Variants in SLC13A1 observed in about 807,000 individuals in gnomAD.
SLC13A1 encodes the protein Na(+)/sulfate cotransporter.
SLC13A1 carries 65 observed loss-of-function variants against 70.0 expected under a neutral mutation model. The ratio of observed to expected loss-of-function variants is 0.93; its 90% CI spans 0.76 to 1.14. SLC13A1 has a LOEUF of 1.14. Among genes scored for constraint, SLC13A1 ranks in the 50% most tolerant of loss-of-function variants. The pLI is 0.00. For synonymous variants in SLC13A1, 275 were observed against 250.5 expected, an observed-to-expected ratio of 1.10 and a Z score of -0.92; for missense variants, 726 against 717.8, an observed-to-expected ratio of 1.01 and a Z score of -0.13.
intron 7 of SLC13A1, among the ~76,000 whole-genome samples, chr7:123,142,209 C>T (rs983662905): frequency 2.0e-5 from 3 of 152,138 alleles, no homozygotes; most frequent in Non-Finnish European, 4.4e-5. Context: ...AAGCTCACCC[C>T]GTGTCCACTG....
chr7:123,170,678 G>T (rs560790465), intron 3 of SLC13A1, among the ~76,000 whole-genome samples: 5 of 152,018 alleles, frequency 3.3e-5, no homozygotes, highest in African/African-American at 1.2e-4. Flanking sequence ...GCCCAGGCTG[G>T]AGTGCAATGG....
intron 14 of SLC13A1, 80 bp downstream of exon 14, chr7:123,117,391 A>C: frequency 7.1e-7 from 1 of 1,404,358 alleles, no homozygotes; most frequent in Non-Finnish European, 9.9e-7. Flanking sequence ...TGATTGGTGT[A>C]TAAAAGGGAA....
At chr7:123,136,897 T>C (rs915279166) in intron 7 of SLC13A1, among the ~76,000 whole-genome samples, 3 of 152,128 alleles carry the variant, frequency 2.0e-5, no homozygotes, top group African/African-American at 7.2e-5. Context: ...ACGGAGGAAA[T>C]AGCAATTACA....
At chr7:123,185,428 T>A (rs1795767281) in intron 1 of SLC13A1, among the ~76,000 whole-genome samples, 1 of 152,092 alleles carries the variant, frequency 6.6e-6, no homozygotes, top group South Asian at 2.1e-4. Flanking sequence ...TTACATTTAA[T>A]TAATTAATTC....
intron 14 of SLC13A1, among the ~76,000 whole-genome samples, chr7:123,116,779 C>A (rs560276631): frequency 4.8e-4 from 73 of 152,218 alleles, no homozygotes; most frequent in Non-Finnish European, 9.3e-4. Flanking sequence ...ACTGTATTTG[C>A]ATAGGAAGCT....
At chr7:123,197,248 A>G (rs1316646722) in intron 1 of SLC13A1, among the ~76,000 whole-genome samples, 1 of 152,178 alleles carries the variant, frequency 6.6e-6, no homozygotes, top group African/African-American at 2.4e-5. Flanking sequence ...GAAAGAAATC[A>G]GTCAATAATT....
intron 8 of SLC13A1, among the ~76,000 whole-genome samples, chr7:123,132,518 C>A (rs1407861523): frequency 2.6e-5 from 4 of 152,118 alleles, no homozygotes; most frequent in African/African-American, 9.6e-5. Context: ...ATTACAGGCA[C>A]CTGCCACCAC....
intron 1 of SLC13A1, among the ~76,000 whole-genome samples, chr7:123,188,639 G>A (rs1438570977): frequency 6.6e-6 from 1 of 151,734 alleles, no homozygotes; most frequent in African/African-American, 2.4e-5. Flanking sequence ...TGGATTTGTG[G>A]AGTTATTTTT....
chr7:123,186,552 T>A (rs1795808197), intron 1 of SLC13A1: 1 of 272,740 alleles, frequency 3.7e-6, no homozygotes, highest in African/African-American at 2.3e-5. Flanking sequence ...TCCTAAGAAA[T>A]AAAACCACCA....
At chr7:123,186,778 T>G (rs769043329) in intron 1 of SLC13A1, 1 of 455,938 alleles carries the variant, frequency 2.2e-6, no homozygotes, top group East Asian at 7.0e-5. Context: ...AACGTTTTAA[T>G]CACATTTTGT....
At position 123,114,943 on chromosome 7, in the gene SLC13A1, T is replaced by G. The variant is rs1793129804; in HGVS notation, c.*575A>C. The G allele has an allele frequency of 6.6e-6, 1 of 152,196 alleles. No individual in the cohort carries two copies. Among genetic ancestry groups the G allele is most frequent in the Non-Finnish European group, 1.5e-5 (1 of 68,030 alleles). 9.4% of individuals were successfully genotyped at this position (152,196 alleles called of 1,614,324 possible). ...AGTGCTTCAATCTCAATTTTCATAT[T>G]ACATGTATATATTAAGAATAATCCA... On this transcript the variant is annotated 3_prime_UTR_variant, in exon 15 of 15. Coordinates refer to ENST00000194130, the MANE Select transcript of SLC13A1 (RefSeq NM_022444.4).
intron 1 of SLC13A1, chr7:123,190,547 A>G (rs1016296558): frequency 9.4e-5 from 43 of 456,600 alleles, no homozygotes; most frequent in African/African-American, 8.6e-4. Flanking sequence ...TCAGTCAGTC[A>G]TCTGACTGCA....
intron 1 of SLC13A1, among the ~76,000 whole-genome samples, chr7:123,188,277 G>C (rs558899847): frequency 1.3e-5 from 2 of 152,198 alleles, no homozygotes; most frequent in South Asian, 4.2e-4. Flanking sequence ...TAAGTTTCTT[G>C]AGGCCTCCCA....
chr7:123,173,041 A>C (rs1795325641), intron 2 of SLC13A1, among the ~76,000 whole-genome samples: 1 of 152,158 alleles, frequency 6.6e-6, no homozygotes, highest in South Asian at 2.1e-4. Flanking sequence ...TTTAAGAAGC[A>C]CTTGGCTAAA....
chr7:123,198,512 T>G (rs1007824746), intron 1 of SLC13A1, among the ~76,000 whole-genome samples: 1 of 151,946 alleles, frequency 6.6e-6, no homozygotes, highest in Non-Finnish European at 1.5e-5. Flanking sequence ...CAAGGAGAGA[T>G]AAGCCAAGAA....
chr7:123,185,440 T>C (rs1004697764), intron 1 of SLC13A1, among the ~76,000 whole-genome samples: 1 of 152,092 alleles, frequency 6.6e-6, no homozygotes, highest in Admixed American at 6.6e-5. Flanking sequence ...AATTAATTCA[T>C]TTTGAGTTGA....
intron 8 of SLC13A1, among the ~76,000 whole-genome samples, chr7:123,130,330 A>C (rs569708878): frequency 6.6e-6 from 1 of 152,312 alleles, no homozygotes; most frequent in South Asian, 2.1e-4. Context: ...CCCATCAATG[A>C]TAGACTGGAT....
At chr7:123,190,570 C>T (rs1261359423) in intron 1 of SLC13A1, 3 of 456,578 alleles carry the variant, frequency 6.6e-6, no homozygotes, top group African/African-American at 4.0e-5. Context: ...TGGCCCATGC[C>T]ACTGGCCTGC....
chr7:123,175,422 T>C (rs1795414383), intron 2 of SLC13A1, among the ~76,000 whole-genome samples: 1 of 152,120 alleles, frequency 6.6e-6, no homozygotes, highest in Non-Finnish European at 1.5e-5. Context: ...ATAAGCCCTA[T>C]TGACTGCTGT....
Sources: gnomAD v4.1 joint callset for allele counts (sites outside exome capture counted in the v4.1 genomes callset) on GRCh38, gnomAD v4.1.1 for gene constraint, MANE v1.5 for transcripts, NCBI Gene and HGNC (gene_info 2026-07-23, HGNC 2026-07-21) for gene names.